The following COG6 variants were observed in gnomAD, a reference collection of about 807,000 sequenced individuals.
The protein encoded by COG6 is conserved oligomeric Golgi complex subunit 6.
Under a neutral mutation model 88.8 loss-of-function variants are expected in COG6, and 74 were observed. The observed-to-expected ratio is 0.83, with a 90% CI of 0.69 to 1.01. COG6 has a LOEUF of 1.01. Among genes scored for constraint, COG6 ranks in the 50% least tolerant of loss-of-function variants. The pLI is 0.00. For synonymous variants in COG6, 286 were observed against 278.7 expected, an observed-to-expected ratio of 1.03 and a Z score of -0.26; for missense variants, 800 against 797.9, an observed-to-expected ratio of 1.00 and a Z score of -0.03.
downstream of COG6, among the ~76,000 whole-genome samples, chr13:39,753,684 G>A (rs1287866579): frequency 6.6e-6 from 1 of 151,866 alleles, no homozygotes; most frequent in South Asian, 2.1e-4. Context: ...GCTCTGGCTC[G>A]CATCTCTCAT....
At chr13:39,727,280 A>G (rs886812351) in intron 17 of COG6, among the ~76,000 whole-genome samples, 189 bp from the exon 18 acceptor site, 2 of 151,974 alleles carry the variant, frequency 1.3e-5, no homozygotes, top group Admixed American at 1.3e-4. Context: ...TGACTATATT[A>G]CAGATTTGAC....
intron 17 of COG6, among the ~76,000 whole-genome samples, chr13:39,726,499 T>G (rs1879142008): frequency 6.6e-6 from 1 of 151,896 alleles, no homozygotes; most frequent in Non-Finnish European, 1.5e-5. Context: ...TCAAATATCT[T>G]TACGTCTTTC....
At chr13:39,704,606 CTA>C (rs1170088167) in intron 13 of COG6, among the ~76,000 whole-genome samples, 1 of 152,074 alleles carries the variant, frequency 6.6e-6, no homozygotes, top group Non-Finnish European at 1.5e-5. Context: ...AGAAGACAAT[CTA>C]TGTAAATGTG....
chr13:39,706,902 T>C (rs1432528057), intron 13 of COG6, among the ~76,000 whole-genome samples: 1 of 152,102 alleles, frequency 6.6e-6, no homozygotes, highest in Non-Finnish European at 1.5e-5. Flanking sequence ...CAGACTGGCC[T>C]TGATTTCCTG....
intron 4 of COG6, among the ~76,000 whole-genome samples, chr13:39,669,366 C>T (rs1875478996): frequency 6.6e-6 from 1 of 152,186 alleles, no homozygotes; most frequent in Non-Finnish European, 1.5e-5. Context: ...GATCAATAAT[C>T]CTGTATGCAA....
intron 5 of COG6, among the ~76,000 whole-genome samples, chr13:39,678,509 A>G (rs980194163): frequency 1.3e-5 from 2 of 152,168 alleles, no homozygotes; most frequent in Non-Finnish European, 2.9e-5. Flanking sequence ...CATTTTTTCC[A>G]AACTGGCTGA....
intron 3 of COG6, among the ~76,000 whole-genome samples, chr13:39,661,224 C>T (rs1170281692): frequency 6.6e-6 from 1 of 151,960 alleles, no homozygotes; most frequent in African/African-American, 2.4e-5. Context: ...TAAAGCTGTG[C>T]CTGATAAAGA....
At position 39,655,807 on chromosome 13, in the gene COG6, C is replaced by G; in HGVS notation, c.81C>G (p.Thr27=). ...GCCTCAACAATGGGGCAGGCGGGAC[C>G]TCGGCGACGACCTGCAACCCGCTGT... is the stretch of plus-strand genomic sequence containing the variant. ...ANGLNNGAGG[T]SATTCNPLSR... Residue 27 remains threonine, a synonymous_variant, in exon 1 of 19, where the codon ACC becomes ACG. Coordinates refer to ENST00000455146, the MANE Select transcript of COG6 (RefSeq NM_020751.3). 6.3e-7 allele frequency: 1 copy of G among 1,599,560 alleles called. No homozygotes were observed. The highest frequency in any genetic ancestry group is 8.5e-7 in the Non-Finnish European group (1 of 1,173,718).
intron 13 of COG6, among the ~76,000 whole-genome samples, chr13:39,708,484 G>T (rs1454837347): frequency 6.6e-6 from 1 of 152,114 alleles, no homozygotes; most frequent in Non-Finnish European, 1.5e-5. Context: ...ACATTCTTCT[G>T]TATTTTTCTC....
At chr13:39,659,060 T>G (rs766381296) in intron 1 of COG6, among the ~76,000 whole-genome samples, 1 of 152,098 alleles carries the variant, frequency 6.6e-6, no homozygotes, top group Non-Finnish European at 1.5e-5. Flanking sequence ...TTTTTGTGAA[T>G]GAGTATATCA....
intron 18 of COG6, among the ~76,000 whole-genome samples, chr13:39,741,017 G>A (rs1353282972): frequency 2.0e-5 from 3 of 152,140 alleles, no homozygotes; most frequent in Non-Finnish European, 4.4e-5. Flanking sequence ...GTATCATGTT[G>A]TTATGGCAAC....
chr13:39,665,643 TGTGTG>T (rs1367129271), intron 4 of COG6, among the ~76,000 whole-genome samples: 7 of 152,208 alleles, frequency 4.6e-5, no homozygotes, highest in African/African-American at 1.2e-4. Flanking sequence ...ATTTGTGTAA[TGTGTG>T]GTGTTCAGTA....
chr13:39,716,363 G>A (rs1878530713), intron 13 of COG6, among the ~76,000 whole-genome samples: 1 of 151,792 alleles, frequency 6.6e-6, no homozygotes, highest in Non-Finnish European at 1.5e-5. Context: ...TTATATCCTT[G>A]TACATCTAAT....
rs947628801 is a variant in COG6, at chr13:39,752,496, A to G, written c.*1403A>G. 6.1e-6 allele frequency: 7 copies of G among 1,142,518 alleles called. No individual in the cohort carries two copies. The highest frequency in any genetic ancestry group is 1.6e-5 in the African/African-American group (1 of 61,490). 70.8% of individuals were successfully genotyped at this position (1,142,518 alleles called of 1,614,324 possible). A position where few individuals can be genotyped will look rare whatever the true frequency, so the allele number is the denominator to read the frequency against. Reference sequence around the variant, plus strand: ...GACAGAAAATAAAGTATAAATCAAGAGCTTAAATTGTATATAATTTATTTC... The same window carrying G: ...GACAGAAAATAAAGTATAAATCAAGGGCTTAAATTGTATATAATTTATTTC... On this transcript the variant is annotated 3_prime_UTR_variant, in exon 19 of 19. Coordinates refer to ENST00000455146, the MANE Select transcript of COG6 (RefSeq NM_020751.3).
intron 15 of COG6, 64 bp downstream of exon 15, chr13:39,719,891 A>G: frequency 7.6e-7 from 1 of 1,316,530 alleles, no homozygotes; most frequent in Non-Finnish European, 1.1e-6. Flanking sequence ...TGATAGCTTT[A>G]AGTTATTGGC....
chr13:39,742,295 A>G (rs1880086932), intron 18 of COG6, among the ~76,000 whole-genome samples: 1 of 152,232 alleles, frequency 6.6e-6, no homozygotes. Flanking sequence ...CCCAATTAAA[A>G]GACACAGACT....
At chr13:39,698,211 G>A (rs1877383535) in intron 12 of COG6, among the ~76,000 whole-genome samples, 1 of 151,524 alleles carries the variant, frequency 6.6e-6, no homozygotes, top group South Asian at 2.1e-4. Flanking sequence ...TGTATGTTGA[G>A]TTCTCTCCAA....
chr13:39,685,254 T>G (rs1244174746), intron 8 of COG6, among the ~76,000 whole-genome samples: 1 of 152,166 alleles, frequency 6.6e-6, no homozygotes, highest in East Asian at 1.9e-4. Flanking sequence ...AAGCTCCATT[T>G]TGATTTTTGA....
At chr13:39,699,767 G>C in intron 13 of COG6, 149 bp downstream of exon 13, 1 of 621,868 alleles carries the variant, frequency 1.6e-6, no homozygotes, top group South Asian at 1.9e-5. Flanking sequence ...TTTTGAGATG[G>C]CTTACTGGAC....
Sources: gnomAD v4.1 joint callset for allele counts (sites outside exome capture counted in the v4.1 genomes callset) on GRCh38, gnomAD v4.1.1 for gene constraint, MANE v1.5 for transcripts, NCBI Gene and HGNC (gene_info 2026-07-23, HGNC 2026-07-21) for gene names.